CACNA2D3: variants seen among roughly 807,000 people sequenced by gnomAD.
CACNA2D3 encodes voltage-dependent calcium channel subunit alpha-2/delta-3.
CACNA2D3 carries 60 observed loss-of-function variants against 160.6 expected under a neutral mutation model. The ratio of observed to expected loss-of-function variants is 0.37; its 90% CI spans 0.30 to 0.46. The LOEUF (loss-of-function observed/expected upper bound fraction) is 0.46, where lower values mean the gene tolerates loss of function less well. Ranked by LOEUF, CACNA2D3 falls within the 20% of genes least tolerant of loss-of-function variation. The pLI, the probability that CACNA2D3 is intolerant of heterozygous loss-of-function variation, is 1.00. For synonymous variants in CACNA2D3, 558 were observed against 492.9 expected (o/e 1.13, Z -1.75); for missense variants, 1,205 against 1,365.0 (o/e 0.88, Z 1.85).
Position 54,294,962 on chromosome 3 carries a change from CT to C in CACNA2D3, c.205-25470del, listed in dbSNP as rs11391376. On this transcript the variant is annotated intron_variant, in intron 2 of 37. Transcript: ENST00000474759. Reference sequence around the variant, plus strand: ...ACACCAGATCATTGCCTTGCTTCCACTTTTTTTTTTCATGTTTGTCTACCTA... The same window carrying C: ...ACACCAGATCATTGCCTTGCTTCCACTTTTTTTTTCATGTTTGTCTACCTA... Among the ~76,000 whole-genome samples, 347 of 150,274 alleles carry C rather than the reference CT, an allele frequency of 2.3e-3. 4 individuals carry two copies. Among genetic ancestry groups the C allele is most frequent in the African/African-American group, 7.6e-3 (310 of 40,996 alleles).
intron 11 of CACNA2D3, among the ~76,000 whole-genome samples, chr3:54,665,452 A>G (rs1381827505): frequency 6.6e-6 from 1 of 152,214 alleles, no homozygotes; most frequent in Non-Finnish European, 1.5e-5. Flanking sequence ...AGCTTTATTT[A>G]CAGCCACAGA....
At chr3:54,444,860 C>T (rs1288202791) in intron 4 of CACNA2D3, among the ~76,000 whole-genome samples, 2 of 152,230 alleles carry the variant, frequency 1.3e-5, no homozygotes, top group African/African-American at 4.8e-5. Context: ...ATTCCTTTTA[C>T]TATTGCTTTA....
intron 4 of CACNA2D3, among the ~76,000 whole-genome samples, chr3:54,394,222 GCTCC>G (rs1188688322): frequency 6.6e-6 from 1 of 151,982 alleles, no homozygotes; most frequent in Non-Finnish European, 1.5e-5. Context: ...CTACAACCCA[GCTCC>G]CCGGAGCGGC....
intron 9 of CACNA2D3, among the ~76,000 whole-genome samples, chr3:54,616,210 G>C (rs979456880): frequency 1.3e-5 from 2 of 152,214 alleles, no homozygotes; most frequent in Non-Finnish European, 2.9e-5. Flanking sequence ...AGGGTCTCTA[G>C]TGAGGTTGCA....
chr3:54,677,808 G>C (rs1700271899), intron 11 of CACNA2D3, among the ~76,000 whole-genome samples: 1 of 152,112 alleles, frequency 6.6e-6, no homozygotes, highest in Non-Finnish European at 1.5e-5. Flanking sequence ...AGTAAAGTTT[G>C]ATTGATTAAG....
chr3:54,599,324 C>G (rs1006189780), intron 9 of CACNA2D3, among the ~76,000 whole-genome samples: 4 of 152,140 alleles, frequency 2.6e-5, no homozygotes, highest in African/African-American at 9.7e-5. Context: ...GAATAAAAAG[C>G]TACTTGGAGG....
intron 2 of CACNA2D3, among the ~76,000 whole-genome samples, chr3:54,176,671 A>G (rs1700685310): frequency 6.6e-6 from 1 of 152,208 alleles, no homozygotes; most frequent in South Asian, 2.1e-4. Context: ...AGCAATACAA[A>G]AACATTTTCT....
chr3:54,516,749 A>C (rs962658650), intron 5 of CACNA2D3, among the ~76,000 whole-genome samples: 2 of 152,224 alleles, frequency 1.3e-5, no homozygotes, highest in Admixed American at 6.5e-5. Context: ...CCCAGGCTGG[A>C]TGTGGGGAAA....
chr3:54,447,431 C>T (rs1559483391), intron 4 of CACNA2D3, among the ~76,000 whole-genome samples: 1 of 152,166 alleles, frequency 6.6e-6, no homozygotes, highest in Non-Finnish European at 1.5e-5. Flanking sequence ...AGGAAGTTTC[C>T]AGAAACTAAA....
chr3:54,809,840 C>T (rs1703252962), intron 13 of CACNA2D3, among the ~76,000 whole-genome samples: 1 of 151,944 alleles, frequency 6.6e-6, no homozygotes, highest in South Asian at 2.1e-4. Flanking sequence ...TACCAAGGGC[C>T]AGGCATAGGT....
chr3:54,286,266 G>T (rs933756330), intron 2 of CACNA2D3, among the ~76,000 whole-genome samples: 2 of 152,210 alleles, frequency 1.3e-5, no homozygotes, highest in Non-Finnish European at 2.9e-5. Context: ...CAAGGCTCGA[G>T]AACTACGTGA....
intron 9 of CACNA2D3, among the ~76,000 whole-genome samples, chr3:54,619,686 T>C (rs1698939362): frequency 6.6e-6 from 1 of 152,204 alleles, no homozygotes; most frequent in African/African-American, 2.4e-5. Flanking sequence ...TCTGTTTTCT[T>C]CTTTGAGAAA....
In CACNA2D3 at chr3:55,062,269, A is replaced by G. The variant is rs1704529634; in HGVS notation, c.2988-11176A>G. ...CGAGTAGCTGGGACTACAGGCACAC[A>G]TCATATCTGTCTTTTTTTTTTTTTT... On this transcript the variant is annotated intron_variant, in intron 35 of 37. Coordinates refer to ENST00000474759, the MANE Select transcript of CACNA2D3 (RefSeq NM_018398.3). Among the ~76,000 whole-genome samples the G allele has an allele frequency of 2.8e-5, 4 of 142,076 alleles. No homozygotes were observed. In the South Asian group the frequency reaches 8.8e-4, roughly 31 times the overall value. 93.2% of individuals were successfully genotyped at this position (142,076 alleles called of 152,430 possible).
At chr3:54,525,434 A>T (rs1701710280) in intron 5 of CACNA2D3, among the ~76,000 whole-genome samples, 1 of 152,064 alleles carries the variant, frequency 6.6e-6, no homozygotes, top group Non-Finnish European at 1.5e-5. Context: ...TTGTCTTGTG[A>T]CTTTGAATTA....
chr3:54,199,325 T>C (rs1177256408), intron 2 of CACNA2D3, among the ~76,000 whole-genome samples: 13 of 152,146 alleles, frequency 8.5e-5, no homozygotes, highest in Admixed American at 8.5e-4. Context: ...TCGGTCTACC[T>C]CTCTAAAAGA....
intron 4 of CACNA2D3, among the ~76,000 whole-genome samples, chr3:54,408,333 A>G (rs1443797365): frequency 1.3e-5 from 2 of 152,134 alleles, no homozygotes; most frequent in Middle Eastern, 3.2e-3. Flanking sequence ...GTAATTTTCC[A>G]CAAATGCAAA....
intron 11 of CACNA2D3, among the ~76,000 whole-genome samples, chr3:54,683,362 A>T (rs1160108274): frequency 6.6e-6 from 1 of 152,210 alleles, no homozygotes; most frequent in South Asian, 2.1e-4. Flanking sequence ...AAAACCAGAT[A>T]TACAGACAAA....
At chr3:54,502,655 G>A (rs960035790) in intron 4 of CACNA2D3, among the ~76,000 whole-genome samples, 7 of 152,166 alleles carry the variant, frequency 4.6e-5, no homozygotes, top group Admixed American at 4.6e-4. Flanking sequence ...CAAGATAGAT[G>A]GCCTGTATTT....
intron 2 of CACNA2D3, 75 bp downstream of exon 2, chr3:54,123,669 AAACGTGAGCCC>A (rs1369170699): frequency 8.3e-7 from 1 of 1,207,848 alleles, no homozygotes; most frequent in African/African-American, 1.5e-5. Context: ...TTTTCCAAAC[AAACGTGAGCCC>A]CGAGCAGCAT....
Sources: allele counts gnomAD v4.1 joint callset (sites outside exome capture counted in the v4.1 genomes callset), GRCh38; gene constraint gnomAD v4.1.1; transcripts MANE v1.5; gene names NCBI Gene and HGNC (gene_info 2026-07-23, HGNC 2026-07-21).